GARIN2: variants seen among roughly 807,000 people sequenced by gnomAD.
The protein encoded by GARIN2 is Golgi-associated RAB2 interactor protein 2.
chr14:67,212,634 A>ATTATG, the GARIN2 span, among the ~76,000 whole-genome samples: 92 of 145,640 alleles, frequency 6.3e-4, no homozygotes, highest in African/African-American at 2.1e-3. Flanking sequence ...ATTATATATA[A>ATTATG]TATATATTAC....
At chr14:67,193,562 T>TATCTATATAGATATAG in the GARIN2 span, among the ~76,000 whole-genome samples, 1 of 144,780 alleles carries the variant, frequency 6.9e-6, no homozygotes, top group Non-Finnish European at 1.5e-5. Flanking sequence ...TATAGATCTA[T>TATCTATATAGATATAG]ATCTATATAG....
At chr14:67,196,223 C>CTTTTTTTTTTTTTTTTTTTTTTTTTTTTT in the GARIN2 span, among the ~76,000 whole-genome samples, 1 of 143,118 alleles carries the variant, frequency 7.0e-6, no homozygotes, top group Non-Finnish European at 1.5e-5. Flanking sequence ...TTCTTTCTTT[C>CTTTTTTTTTTTTTTTTTTTTTTTTTTTTT]TTTTTTTTTT....
the GARIN2 span, chr14:67,225,296 A>G: frequency 7.1e-7 from 1 of 1,402,442 alleles, no homozygotes; most frequent in East Asian, 2.6e-5. Context: ...CTCTATAGGA[A>G]TACATGATAG....
At chr14:67,228,270 G>C in the GARIN2 span, 1 of 218,674 alleles carries the variant, frequency 4.6e-6, no homozygotes, top group Non-Finnish European at 7.7e-6. Flanking sequence ...TTTATATCAA[G>C]AAGAAAAGTT....
chr14:67,213,461 A>C, the GARIN2 span, among the ~76,000 whole-genome samples: 3 of 149,688 alleles, frequency 2.0e-5, no homozygotes, highest in Admixed American at 1.3e-4. Context: ...GATGATTTCC[A>C]ATTTCATCCA....
At chr14:67,209,906 T>G in the GARIN2 span, among the ~76,000 whole-genome samples, 159 of 150,932 alleles carry the variant, frequency 1.1e-3, no homozygotes, top group African/African-American at 3.6e-3. Context: ...AGGGATCCAA[T>G]TAACAAATGA....
the GARIN2 span, chr14:67,198,909 A>G: frequency 1.4e-6 from 1 of 694,994 alleles, no homozygotes; most frequent in Non-Finnish European, 2.6e-6. Flanking sequence ...GTTCCTAGAA[A>G]TTCCATAACA....
chr14:67,214,088 G>T, the GARIN2 span, among the ~76,000 whole-genome samples: 1 of 152,152 alleles, frequency 6.6e-6, no homozygotes, highest in Non-Finnish European at 1.5e-5. Context: ...TGAGTAGGTT[G>T]CGAAAATGTC....
At chr14:67,203,185 C>G in the GARIN2 span, 1 of 1,613,954 alleles carries the variant, frequency 6.2e-7, no homozygotes, top group Non-Finnish European at 8.5e-7. Context: ...CACAAGATCC[C>G]CAATGTGATG....
At chr14:67,223,697 TTTC>T in the GARIN2 span, 2 of 965,438 alleles carry the variant, frequency 2.1e-6, no homozygotes, top group Non-Finnish European at 2.5e-6. Context: ...CTCTTATGTA[TTTC>T]TTATTTCTTT....
At chr14:67,199,594 C>G in the GARIN2 span, 2 of 1,590,898 alleles carry the variant, frequency 1.3e-6, no homozygotes, top group Non-Finnish European at 8.6e-7. Flanking sequence ...CTTATGCCTT[C>G]GAGAAGGACT....
chr14:67,199,996 C>A, the GARIN2 span: 1 of 1,030,194 alleles, frequency 9.7e-7, no homozygotes, highest in Non-Finnish European at 1.4e-6. Context: ...GCAGCTGGCA[C>A]ACCATGGACC....
chr14:67,193,066 A>ATATATATCCATATATCTATCTATATCTC, the GARIN2 span, among the ~76,000 whole-genome samples: 48 of 142,170 alleles, frequency 3.4e-4, no homozygotes, highest in African/African-American at 1.2e-3. Flanking sequence ...CTCTATATCT[A>ATATATATCCATATATCTATCTATATCTC]TATATATCCA....
the GARIN2 span, among the ~76,000 whole-genome samples, chr14:67,190,523 TG>T: frequency 6.6e-6 from 1 of 152,180 alleles, no homozygotes; most frequent in African/African-American, 2.4e-5. Context: ...GTGCCCGGCC[TG>T]TTTTGAAATT....
At chr14:67,211,707 C>T in the GARIN2 span, among the ~76,000 whole-genome samples, 1 of 152,170 alleles carries the variant, frequency 6.6e-6, no homozygotes, top group East Asian at 1.9e-4. Context: ...AGTGGGAGTA[C>T]CATCCTGGGC....
the GARIN2 span, chr14:67,208,424 A>T: frequency 6.2e-7 from 1 of 1,613,926 alleles, no homozygotes; most frequent in Non-Finnish European, 8.5e-7. Flanking sequence ...TTTTCAGAGC[A>T]CAGCTCTCAA....
chr14:67,204,019 A>G, the GARIN2 span, among the ~76,000 whole-genome samples: 2 of 152,196 alleles, frequency 1.3e-5, no homozygotes, highest in South Asian at 4.2e-4. Context: ...GCCCATTCAG[A>G]CGTTTTTATA....
chr14:67,203,118 T>C, the GARIN2 span: 1 of 1,613,530 alleles, frequency 6.2e-7, no homozygotes, highest in South Asian at 1.1e-5. Context: ...TGAATCCATT[T>C]ACCTTCATAA....
At chr14:67,218,220 G>A in the GARIN2 span, among the ~76,000 whole-genome samples, 1 of 152,302 alleles carries the variant, frequency 6.6e-6, no homozygotes, top group East Asian at 1.9e-4. Context: ...GGCTGTTACT[G>A]TGGCCAGAAG....
Sources: gnomAD v4.1 joint callset for allele counts (sites outside exome capture counted in the v4.1 genomes callset) on GRCh38, gnomAD v4.1.1 for gene constraint, MANE v1.5 for transcripts, NCBI Gene and HGNC (gene_info 2026-07-23, HGNC 2026-07-21) for gene names.